Variants in RPS6KA5 observed in about 807,000 individuals in gnomAD.
RPS6KA5 encodes the protein ribosomal protein S6 kinase A5.
In RPS6KA5, 27 loss-of-function variants were observed where a neutral mutation model predicts 85.5. That is an observed-to-expected ratio of 0.32 (90% confidence interval 0.23 to 0.44). The LOEUF (loss-of-function observed/expected upper bound fraction) is 0.44. Among genes scored for constraint, RPS6KA5 ranks in the 20% least tolerant of loss-of-function variants. The probability of loss-of-function intolerance (pLI) is 1.00; values close to 1 mark genes in which losing one functional copy is unlikely to be tolerated. For synonymous variants in RPS6KA5, 334 were observed against 348.2 expected (o/e 0.96, Z 0.46); for missense variants, 811 against 980.9 (o/e 0.83, Z 2.31).
intron 7 of RPS6KA5, among the ~76,000 whole-genome samples, chr14:90,914,309 GTTT>G (rs10658805): frequency 9.8e-5 from 8 of 81,528 alleles, no homozygotes; most frequent in Admixed American, 3.6e-4. Flanking sequence ...GATCCCTAGG[GTTT>G]TTTTTTTTTT....
At chr14:90,963,024 C>T (rs887837254) in intron 3 of RPS6KA5, among the ~76,000 whole-genome samples, 5 of 152,134 alleles carry the variant, frequency 3.3e-5, no homozygotes, top group Admixed American at 6.5e-5. Context: ...CCATTTACCC[C>T]AATAATGCTC....
At chr14:90,992,779 C>T (rs2040364894) in intron 2 of RPS6KA5, among the ~76,000 whole-genome samples, 1 of 152,140 alleles carries the variant, frequency 6.6e-6, no homozygotes, top group Non-Finnish European at 1.5e-5. Context: ...GCTTACTGAC[C>T]AATCTCTTTA....
chr14:90,916,945 C>T (rs1330306732), intron 7 of RPS6KA5, among the ~76,000 whole-genome samples: 1 of 152,140 alleles, frequency 6.6e-6, no homozygotes, highest in African/African-American at 2.4e-5. Flanking sequence ...AAGAAATATA[C>T]TTCTCTCCAC....
chr14:90,964,922 A>AC (rs1031030235), intron 3 of RPS6KA5, among the ~76,000 whole-genome samples: 8 of 149,322 alleles, frequency 5.4e-5, no homozygotes, highest in African/African-American at 2.0e-4. Flanking sequence ...CTCAAAAAAA[A>AC]AAAAAAAAAA....
chr14:90,885,741 C>CAAAAAAAAAAA (rs11312699), intron 14 of RPS6KA5, among the ~76,000 whole-genome samples: 11 of 27,888 alleles, frequency 3.9e-4, no homozygotes, highest in Admixed American at 6.8e-4. Flanking sequence ...GACTCCATCT[C>CAAAAAAAAAAA]AAAAAAAAAA....
At chr14:90,951,135 AAGAGAG>A (rs1280228009) in intron 3 of RPS6KA5, among the ~76,000 whole-genome samples, 1 of 146,456 alleles carries the variant, frequency 6.8e-6, no homozygotes, top group African/African-American at 2.6e-5. Context: ...AAAAAAAAAA[AAGAGAG>A]AGAGAGAGAG....
chr14:91,028,360 G>A (rs1335920684), intron 1 of RPS6KA5, among the ~76,000 whole-genome samples: 2 of 152,128 alleles, frequency 1.3e-5, no homozygotes, highest in Middle Eastern at 3.4e-3. Flanking sequence ...TGAGACTACA[G>A]GCTTGAGCCA....
At chr14:90,964,164 G>A (rs1041171722) in intron 3 of RPS6KA5, among the ~76,000 whole-genome samples, 1 of 152,156 alleles carries the variant, frequency 6.6e-6, no homozygotes, top group Non-Finnish European at 1.5e-5. Context: ...TAAAAATAAT[G>A]CTGCTTCTCC....
chr14:90,905,151 T>A (rs2035431972), intron 8 of RPS6KA5, among the ~76,000 whole-genome samples: 1 of 152,130 alleles, frequency 6.6e-6, no homozygotes, highest in South Asian at 2.1e-4. Flanking sequence ...ATTGAGAGAC[T>A]AAGAGAAATA....
chr14:91,049,224 A>C (rs1396970172), intron 1 of RPS6KA5, among the ~76,000 whole-genome samples: 1 of 152,208 alleles, frequency 6.6e-6, no homozygotes, highest in East Asian at 1.9e-4. Context: ...TACTGTTAAT[A>C]ATCTATTCGT....
At chr14:91,034,651 G>C (rs2042326991) in intron 1 of RPS6KA5, among the ~76,000 whole-genome samples, 1 of 152,206 alleles carries the variant, frequency 6.6e-6, no homozygotes, top group Admixed American at 6.5e-5. Flanking sequence ...ACCCCAGCCA[G>C]CAGCAGCAAC....
intron 3 of RPS6KA5, among the ~76,000 whole-genome samples, chr14:90,978,054 C>CA (rs369897269): frequency 6.6e-6 from 1 of 150,494 alleles, no homozygotes. Flanking sequence ...GACTCTGCCT[C>CA]AAAAAAAGAA....
chr14:91,017,892 A>G (rs1390370208), intron 1 of RPS6KA5, among the ~76,000 whole-genome samples: 1 of 152,214 alleles, frequency 6.6e-6, no homozygotes, highest in Non-Finnish European at 1.5e-5. Context: ...TTGTATCACC[A>G]GGCAAAGGAG....
chr14:90,876,372 T>C (rs969330650), intron 14 of RPS6KA5, among the ~76,000 whole-genome samples: 2 of 151,444 alleles, frequency 1.3e-5, no homozygotes, highest in Non-Finnish European at 3.0e-5. Context: ...TAATTACCCC[T>C]GTTTTTATTT....
At chr14:91,052,852 A>AG (rs1566912594) in intron 1 of RPS6KA5, among the ~76,000 whole-genome samples, 1 of 144,426 alleles carries the variant, frequency 6.9e-6, no homozygotes, top group Admixed American at 7.1e-5. Flanking sequence ...AAAAAAAAAA[A>AG]AAGCTCTTTA....
At chr14:90,900,580 A>C in intron 10 of RPS6KA5, 31 bp downstream of exon 10, 1 of 1,593,954 alleles carries the variant, frequency 6.3e-7, no homozygotes, top group South Asian at 1.2e-5. Context: ...AAACCTACAA[A>C]TATGTCATAT....
At chr14:91,049,199 G>A (rs1028149209) in intron 1 of RPS6KA5, among the ~76,000 whole-genome samples, 1 of 152,102 alleles carries the variant, frequency 6.6e-6, no homozygotes, top group African/African-American at 2.4e-5. Context: ...TAGGCACTAG[G>A]GAACCAAATT....
At chr14:91,054,934 G>T (rs899495430) in intron 1 of RPS6KA5, among the ~76,000 whole-genome samples, 2 of 151,784 alleles carry the variant, frequency 1.3e-5, no homozygotes, top group African/African-American at 4.8e-5. Flanking sequence ...AATACATAAA[G>T]AACTCTCATA....
At position 90,995,498 on chromosome 14, in the gene RPS6KA5, C is replaced by T. The variant is rs553556505; in HGVS notation, c.175+5590G>A. Among the ~76,000 whole-genome samples the T allele has an allele frequency of 1.3e-5, 2 of 152,232 alleles. 1 individual carries two copies. The highest frequency in any genetic ancestry group is 4.8e-5 in the African/African-American group (2 of 41,534). ...CATTTACTGTTTTACTGAGCAGTAG[C>T]CTTCTCTACCGCTTGAGTGCCTTAG... On this transcript the variant is annotated intron_variant, in intron 2 of 16. Transcript: ENST00000614987.
Sources: gnomAD v4.1 joint callset for allele counts (sites outside exome capture counted in the v4.1 genomes callset) on GRCh38, gnomAD v4.1.1 for gene constraint, MANE v1.5 for transcripts, NCBI Gene and HGNC (gene_info 2026-07-23, HGNC 2026-07-21) for gene names.